KDELR2: variants seen among roughly 807,000 people sequenced by gnomAD.
KDELR2 encodes ER lumen protein-retaining receptor 2.
Under a neutral mutation model 23.9 loss-of-function variants are expected in KDELR2, and 15 were observed. That is an observed-to-expected ratio of 0.63 (90% CI 0.42 to 0.97). The LOEUF is 0.97. KDELR2 is among the 50% of genes least tolerant of loss of function. The pLI is 0.00. For missense variants in KDELR2, 272 were observed against 254.6 expected, an observed-to-expected ratio of 1.07 and a Z score of -0.46; for synonymous variants, 119 against 106.2, an observed-to-expected ratio of 1.12 and a Z score of -0.74.
intron 1 of KDELR2, among the ~76,000 whole-genome samples, chr7:6,476,166 T>A (rs1229317717): frequency 1.3e-5 from 2 of 152,244 alleles, no homozygotes; most frequent in South Asian, 2.1e-4. Flanking sequence ...TGTAAGAATG[T>A]TACTTTCTCA....
At chr7:6,466,009 G>T in intron 4 of KDELR2, 62 bp downstream of exon 4, 1 of 1,566,188 alleles carries the variant, frequency 6.4e-7, no homozygotes, top group African/African-American at 1.4e-5. Flanking sequence ...AAGAGTGCTG[G>T]GCAAGGGCAC....
At chr7:6,483,815 G>A in intron 1 of KDELR2, 152 bp downstream of exon 1, 2 of 457,170 alleles carry the variant, frequency 4.4e-6, no homozygotes, top group Non-Finnish European at 6.7e-6. Flanking sequence ...GCAGGCCGCT[G>A]CCCCCCGGGT....
Position 6,463,115 on chromosome 7 carries a change from C to T in KDELR2, c.*26G>A, listed in dbSNP as rs770358495. 6.2e-7 allele frequency: 1 copy of T among 1,614,134 alleles called. No homozygotes were observed. The highest frequency in any genetic ancestry group is 8.5e-7 in the Non-Finnish European group (1 of 1,180,012). ...AATTCTGTCCGAGCACCCTGAAGGA[C>T]AGATGCTGGTGATGGTCTTTGGCAC... On this transcript the variant is annotated 3_prime_UTR_variant, in exon 5 of 5. Transcript: ENST00000258739.
At chr7:6,481,643 C>T (rs1400431569) in intron 1 of KDELR2, among the ~76,000 whole-genome samples, 1 of 152,048 alleles carries the variant, frequency 6.6e-6, no homozygotes, top group African/African-American at 2.4e-5. Context: ...TCGCTTGAGC[C>T]CAGGAGTTTG....
At chr7:6,479,827 A>G (rs1407106928) in intron 1 of KDELR2, among the ~76,000 whole-genome samples, 1 of 152,246 alleles carries the variant, frequency 6.6e-6, no homozygotes, top group Non-Finnish European at 1.5e-5. Context: ...ATTGTGTGCC[A>G]GTGCCTTGCA....
intron 2 of KDELR2, 74 bp from the exon 3 acceptor site, chr7:6,469,828 C>G: frequency 7.6e-7 from 1 of 1,311,104 alleles, no homozygotes; most frequent in Non-Finnish European, 1.0e-6. Context: ...TTTTTAATCA[C>G]CCATGTATTT....
At chr7:6,479,867 T>TGATTACTCAGAGACTGGCACTCAA (rs1225726098) in intron 1 of KDELR2, among the ~76,000 whole-genome samples, 1 of 152,228 alleles carries the variant, frequency 6.6e-6, no homozygotes, top group East Asian at 1.9e-4. Context: ...ATGAGAGTAA[T>TGATTACTCAGAGACTGGCACTCAA]GATTACTCAG....
In KDELR2 at chr7:6,466,170, G is replaced by A. The variant is rs1363157649; in HGVS notation, c.505C>T (p.Arg169Cys). 14 of 1,614,056 alleles carry A rather than the reference G, an allele frequency of 8.7e-6. No individual in the cohort carries two copies. Among genetic ancestry groups the A allele is most frequent in the Admixed American group, 3.3e-5 (2 of 60,004 alleles). Residue 169 changes from arginine (R) to cysteine (C), a missense_variant, in exon 4 of 5, where the codon CGC becomes TGC. Physicochemically the swap from Arg to Cys is radical, Grantham distance 180. Transcript: ENST00000258739. ...TCAAAGAAGCCCTCAAAGTAGAAGCGCCAGATCCAGTTGACAAGATACAAA... is the reference window on the plus strand; with the variant it reads ...TCAAAGAAGCCCTCAAAGTAGAAGCACCAGATCCAGTTGACAAGATACAAA... ...RALYLVNWIW[R>C]FYFEGFFDLI...
At chr7:6,463,300 G>T in intron 4 of KDELR2, 125 bp from the exon 5 acceptor site, 1 of 705,378 alleles carries the variant, frequency 1.4e-6, no homozygotes, top group Middle Eastern at 2.7e-4. Context: ...TAGGAAATAA[G>T]CAATTGTATT....
At chr7:6,467,892 G>C (rs919031950) in intron 3 of KDELR2, among the ~76,000 whole-genome samples, 1 of 152,226 alleles carries the variant, frequency 6.6e-6, no homozygotes, top group Non-Finnish European at 1.5e-5. Flanking sequence ...CTCAGGAGCA[G>C]ATCAGCTCAC....
chr7:6,481,251 C>T (rs1172994093), intron 1 of KDELR2, among the ~76,000 whole-genome samples: 1 of 151,620 alleles, frequency 6.6e-6, no homozygotes, highest in Non-Finnish European at 1.5e-5. Context: ...CGCCTGTAGT[C>T]CCAGCTAATC....
chr7:6,482,066 G>C (rs577683231), intron 1 of KDELR2, among the ~76,000 whole-genome samples: 3 of 151,694 alleles, frequency 2.0e-5, no homozygotes, highest in Non-Finnish European at 2.9e-5. Flanking sequence ...GCAATGGCGC[G>C]ATCTCAGCTC....
chr7:6,478,781 T>C (rs1011474462), intron 1 of KDELR2, among the ~76,000 whole-genome samples: 4 of 152,104 alleles, frequency 2.6e-5, no homozygotes, highest in Non-Finnish European at 5.9e-5. Flanking sequence ...AAGTTTAATA[T>C]TTATTTTTTA....
intron 2 of KDELR2, among the ~76,000 whole-genome samples, chr7:6,472,177 T>A (rs950826228): frequency 6.6e-6 from 1 of 151,396 alleles, no homozygotes; most frequent in African/African-American, 2.4e-5. Context: ...AAGACACACA[T>A]CCATCTACAC....
chr7:6,471,866 G>C (rs1426156431), intron 2 of KDELR2, among the ~76,000 whole-genome samples: 1 of 151,948 alleles, frequency 6.6e-6, no homozygotes, highest in African/African-American at 2.4e-5. Flanking sequence ...TGTACTTAGG[G>C]GTGGGACTGC....
At chr7:6,480,378 A>T (rs1292383158) in intron 1 of KDELR2, among the ~76,000 whole-genome samples, 1 of 152,224 alleles carries the variant, frequency 6.6e-6, no homozygotes, top group Non-Finnish European at 1.5e-5. Context: ...CATACCGTGG[A>T]TCGAGCTGCA....
intron 2 of KDELR2, among the ~76,000 whole-genome samples, chr7:6,473,116 TCTAA>T (rs996576376): frequency 2.8e-5 from 3 of 107,628 alleles, no homozygotes; most frequent in African/African-American, 3.8e-5. Flanking sequence ...GAGACAGGGG[TCTAA>T]CTATGTTGCT....
Position 6,484,139 on chromosome 7 carries a change from G to C in KDELR2, c.-82C>G, listed in dbSNP as rs947274774. ...AGGAGGCGGCGGCCCCTGAGAGGAA[G>C]CGGCGAAGATGGCGAGATCGCCCGC... On this transcript the variant is annotated 5_prime_UTR_variant, in exon 1 of 5. Coordinates refer to ENST00000258739, the MANE Select transcript of KDELR2 (RefSeq NM_006854.4). 1 of 1,126,738 alleles carries C rather than the reference G, an allele frequency of 8.9e-7. No individual in the cohort carries two copies. Among genetic ancestry groups the C allele is most frequent in the Non-Finnish European group, 1.1e-6 (1 of 888,900 alleles). The allele number at this position is 1,126,738 out of a possible 1,614,324, so 69.8% of individuals were successfully genotyped here.
At chr7:6,483,619 A>G (rs1401485621) in intron 1 of KDELR2, among the ~76,000 whole-genome samples, 1 of 152,126 alleles carries the variant, frequency 6.6e-6, no homozygotes, top group African/African-American at 2.4e-5. Flanking sequence ...CCGGCCGGAG[A>G]AGCGCCCCCA....
Sources: gnomAD v4.1 joint callset for allele counts (sites outside exome capture counted in the v4.1 genomes callset) on GRCh38, gnomAD v4.1.1 for gene constraint, MANE v1.5 for transcripts, NCBI Gene and HGNC (gene_info 2026-07-23, HGNC 2026-07-21) for gene names.